Variants in PRKCE observed in about 807,000 individuals in gnomAD.
PRKCE encodes protein kinase C epsilon type.
Under a neutral mutation model 85.4 loss-of-function variants are expected in PRKCE, and 16 were observed. That is an observed-to-expected ratio of 0.19 (90% CI 0.13 to 0.28). The LOEUF is 0.28. Ranked by LOEUF, PRKCE falls within the 10% of genes least tolerant of loss-of-function variation. PRKCE has a pLI of 1.00. For missense variants in PRKCE, 573 were observed against 975.2 expected (o/e 0.59, Z 5.49); for synonymous variants, 388 against 371.5 (o/e 1.04, Z -0.51).
chr2:46,036,084 G>A (rs146821617), intron 10 of PRKCE, among the ~76,000 whole-genome samples: 1 of 152,292 alleles, frequency 6.6e-6, no homozygotes, highest in Non-Finnish European at 1.5e-5. Flanking sequence ...GGAGGAGCCG[G>A]CCACTCATAT....
intron 1 of PRKCE, among the ~76,000 whole-genome samples, chr2:45,705,995 G>A (rs866292944): frequency 6.6e-6 from 1 of 152,152 alleles, no homozygotes; most frequent in Non-Finnish European, 1.5e-5. Context: ...TGTTCCCCAG[G>A]TCATAGTAGC....
At chr2:45,974,214 A>G (rs1214329899) in intron 2 of PRKCE, among the ~76,000 whole-genome samples, 3 of 152,244 alleles carry the variant, frequency 2.0e-5, no homozygotes, top group Admixed American at 1.3e-4. Flanking sequence ...AAACTTGCCT[A>G]TGATGGCAGC....
intron 1 of PRKCE, among the ~76,000 whole-genome samples, chr2:45,754,636 C>T (rs1683854314): frequency 6.6e-6 from 1 of 152,192 alleles, no homozygotes; most frequent in South Asian, 2.1e-4. Context: ...GTGCCTGCCC[C>T]CTTGAGGGCC....
chr2:45,970,243 T>A (rs1310461671), intron 2 of PRKCE, among the ~76,000 whole-genome samples: 4 of 152,240 alleles, frequency 2.6e-5, no homozygotes, highest in Admixed American at 1.3e-4. Context: ...AATTGGTTAC[T>A]TTTTTAGGTA....
intron 2 of PRKCE, among the ~76,000 whole-genome samples, chr2:45,896,150 G>A (rs1696123808): frequency 1.3e-5 from 2 of 152,326 alleles, no homozygotes; most frequent in South Asian, 4.1e-4. Context: ...GCTCTTTGTA[G>A]GTTGATTAAA....
chr2:45,735,575 G>A (rs532288101), intron 1 of PRKCE, among the ~76,000 whole-genome samples: 6 of 152,354 alleles, frequency 3.9e-5, no homozygotes, highest in African/African-American at 1.2e-4. Flanking sequence ...AAGTGGTGCC[G>A]AGGTGCCTGG....
At chr2:45,723,253 A>G (rs1360688611) in intron 1 of PRKCE, among the ~76,000 whole-genome samples, 3 of 152,206 alleles carry the variant, frequency 2.0e-5, no homozygotes, top group Non-Finnish European at 4.4e-5. Context: ...TTCTTGTAGA[A>G]AATGCCGTGA....
At chr2:45,657,790 A>T (rs1675446983) in intron 1 of PRKCE, among the ~76,000 whole-genome samples, 1 of 152,112 alleles carries the variant, frequency 6.6e-6, no homozygotes, top group Non-Finnish European at 1.5e-5. Context: ...ACTCTGGGAG[A>T]TAGGCCTGTA....
chr2:45,666,588 C>G (rs548597875), intron 1 of PRKCE, among the ~76,000 whole-genome samples: 107 of 152,114 alleles, frequency 7.0e-4, no homozygotes, highest in Admixed American at 6.9e-3. Context: ...CTCTAACCAG[C>G]CATCCAAATC....
intron 1 of PRKCE, among the ~76,000 whole-genome samples, chr2:45,682,276 T>C (rs1676963850): frequency 6.6e-6 from 1 of 152,234 alleles, no homozygotes; most frequent in African/African-American, 2.4e-5. Flanking sequence ...GATTTCTTAC[T>C]CATTTTCTTT....
intron 10 of PRKCE, among the ~76,000 whole-genome samples, chr2:46,055,159 C>G (rs1463008952): frequency 6.6e-6 from 1 of 152,238 alleles, no homozygotes. Flanking sequence ...ACTTAAATCA[C>G]CATGGATGGC....
At chr2:45,663,549 C>T (rs1011497026) in intron 1 of PRKCE, among the ~76,000 whole-genome samples, 3 of 151,982 alleles carry the variant, frequency 2.0e-5, no homozygotes, top group African/African-American at 4.8e-5. Flanking sequence ...TTTGGGAGGC[C>T]GAGGCAGGCG....
chr2:45,709,646 G>C (rs927732224), intron 1 of PRKCE, among the ~76,000 whole-genome samples: 1 of 152,208 alleles, frequency 6.6e-6, no homozygotes, highest in Non-Finnish European at 1.5e-5. Flanking sequence ...ACAGCACTTT[G>C]ACTTTCCCTG....
intron 1 of PRKCE, chr2:45,770,648 T>C (rs895031430): frequency 6.6e-6 from 1 of 152,210 alleles, no homozygotes; most frequent in East Asian, 1.9e-4. Context: ...CTTTACTTCA[T>C]AGGTGGATGA....
chr2:45,742,715 T>G (rs1232937879), intron 1 of PRKCE, among the ~76,000 whole-genome samples: 1 of 152,200 alleles, frequency 6.6e-6, no homozygotes, highest in Non-Finnish European at 1.5e-5. Context: ...GGTACAACCA[T>G]TATGAAAGAC....
At position 45,812,320 on chromosome 2, in the gene PRKCE, T is replaced by C. The variant is rs796965731; in HGVS notation, c.349-30680T>C. Among the ~76,000 whole-genome samples the C allele has an allele frequency of 9.2e-5, 14 of 152,310 alleles. 1 individual carries two copies. The highest frequency in any genetic ancestry group is 3.4e-4 in the African/African-American group (14 of 41,552). ...GAAGCCACAGATCTTGTACGGGAAA[T>C]TCTATCCTAGGCAGCAGAAAGGCTG... is the stretch of plus-strand genomic sequence containing the variant. On this transcript the variant is annotated intron_variant, in intron 1 of 14. Coordinates refer to ENST00000306156, the MANE Select transcript of PRKCE (RefSeq NM_005400.3).
At chr2:45,971,992 G>A (rs964782689) in intron 2 of PRKCE, among the ~76,000 whole-genome samples, 2 of 152,166 alleles carry the variant, frequency 1.3e-5, no homozygotes, top group African/African-American at 4.8e-5. Flanking sequence ...AAGTGAAATT[G>A]CTGAATCAAA....
At chr2:45,739,593 G>C (rs1682377267) in intron 1 of PRKCE, among the ~76,000 whole-genome samples, 1 of 152,142 alleles carries the variant, frequency 6.6e-6, no homozygotes, top group Non-Finnish European at 1.5e-5. Flanking sequence ...AAAGAAGCCA[G>C]ACTGAAAAGG....
chr2:46,157,939 C>A (rs1337163442), intron 13 of PRKCE, among the ~76,000 whole-genome samples: 1 of 152,208 alleles, frequency 6.6e-6, no homozygotes, highest in Non-Finnish European at 1.5e-5. Flanking sequence ...TAGAGAAGGC[C>A]ATTTGTATCA....
Sources: gnomAD v4.1 joint callset for allele counts (sites outside exome capture counted in the v4.1 genomes callset) on GRCh38, gnomAD v4.1.1 for gene constraint, MANE v1.5 for transcripts, NCBI Gene and HGNC (gene_info 2026-07-23, HGNC 2026-07-21) for gene names.